Variants in FTO observed in about 807,000 individuals in gnomAD.
FTO encodes alpha-ketoglutarate-dependent dioxygenase FTO.
A neutral mutation model predicts 63.9 loss-of-function variants in FTO; 47 were observed. The ratio of observed to expected loss-of-function variants is 0.74; its 90% CI spans 0.58 to 0.94. FTO has a LOEUF of 0.94. FTO is among the 40% of genes least tolerant of loss of function. The pLI is 0.00. For synonymous variants in FTO, 207 were observed against 224.4 expected (o/e 0.92, Z 0.69); for missense variants, 562 against 618.1 (o/e 0.91, Z 0.96).
At chr16:53,945,624 A>G (rs2082635710) in intron 8 of FTO, among the ~76,000 whole-genome samples, 1 of 152,242 alleles carries the variant, frequency 6.6e-6, no homozygotes, top group Non-Finnish European at 1.5e-5. Context: ...CTATAAGGAA[A>G]TAGTATCCAG....
chr16:54,071,241 A>G (rs1484914689), intron 8 of FTO: 1 of 152,226 alleles, frequency 6.6e-6, no homozygotes, highest in Non-Finnish European at 1.5e-5. Context: ...CACTAACAAG[A>G]GAAGAACTTA....
intron 8 of FTO, among the ~76,000 whole-genome samples, chr16:53,958,901 A>G (rs574019545): frequency 5.9e-5 from 9 of 152,304 alleles, no homozygotes; most frequent in African/African-American, 2.2e-4. Flanking sequence ...GGTGAATAAG[A>G]CAGGGTCTCT....
intron 8 of FTO, among the ~76,000 whole-genome samples, chr16:54,000,738 C>T (rs1177916793): frequency 3.9e-5 from 6 of 152,046 alleles, no homozygotes; most frequent in Admixed American, 3.3e-4. Flanking sequence ...TCAGACAACA[C>T]GATATGATTA....
chr16:53,770,933 C>T (rs1021879654), intron 1 of FTO, among the ~76,000 whole-genome samples: 31 of 152,194 alleles, frequency 2.0e-4, no homozygotes, highest in East Asian at 1.9e-4. Flanking sequence ...AACCACTTAT[C>T]GTGATGGATT....
chr16:53,715,256 C>G (rs1318989486), intron 1 of FTO, among the ~76,000 whole-genome samples: 4 of 152,108 alleles, frequency 2.6e-5, no homozygotes, highest in African/African-American at 4.8e-5. Flanking sequence ...AGAACATCAC[C>G]CACTTAATTA....
chr16:53,846,801 CAAAAAAAAA>C (rs55982417), intron 4 of FTO, among the ~76,000 whole-genome samples: 53,715 of 107,084 alleles, frequency 0.5, 9,943 homozygotes, highest in Middle Eastern at 0.58. Flanking sequence ...GACTCAGTCT[CAAAAAAAAA>C]AAAAAAAAAA....
chr16:53,937,251 T>C, intron 8 of FTO: 1 of 398,540 alleles, frequency 2.5e-6, no homozygotes. Flanking sequence ...TTCCCCAGAG[T>C]TGAATGATCC....
At chr16:53,863,208 G>T (rs114362866) in intron 4 of FTO, among the ~76,000 whole-genome samples, 1 of 152,192 alleles carries the variant, frequency 6.6e-6, no homozygotes, top group East Asian at 1.9e-4. Context: ...TATCATGTCA[G>T]TTCGAGTAAA....
chr16:53,922,806 A>G (rs4783825), intron 7 of FTO, among the ~76,000 whole-genome samples: 64,667 of 152,042 alleles, frequency 0.43, 14,547 homozygotes, highest in East Asian at 0.84. Flanking sequence ...TATTCTTTCC[A>G]ACATCGAATG....
chr16:53,752,137 T>G (rs1036191232), intron 1 of FTO, among the ~76,000 whole-genome samples: 3 of 152,126 alleles, frequency 2.0e-5, no homozygotes, highest in African/African-American at 7.2e-5. Context: ...TTTAAATACA[T>G]TAAGGGAGAT....
At chr16:53,849,744 A>G (rs1325713148) in intron 4 of FTO, among the ~76,000 whole-genome samples, 1 of 152,162 alleles carries the variant, frequency 6.6e-6, no homozygotes, top group East Asian at 1.9e-4. Flanking sequence ...CTGTTTTTTG[A>G]CTCAACATGG....
intron 6 of FTO, chr16:53,887,757 GC>G (rs2081037803): frequency 6.6e-6 from 1 of 152,118 alleles, no homozygotes; most frequent in Non-Finnish European, 1.5e-5. Context: ...GAGATATTCA[GC>G]TTGTACTAAT....
rs568841057 is a variant in FTO at position 54,037,589 on chromosome 16, C to T, written c.1365-74173C>T. Among the ~76,000 whole-genome samples the T allele has an allele frequency of 3.3e-5, 5 of 152,318 alleles. No homozygotes were observed. The East Asian group carries it at 9.7e-4, about 29-fold the overall frequency. ...TATTCAGTTTTCTTCTGCCATCTCACAGTTGTGCGTATTTCAGATGTCATT... is the reference window on the plus strand; with the variant it reads ...TATTCAGTTTTCTTCTGCCATCTCATAGTTGTGCGTATTTCAGATGTCATT... On this transcript the variant is annotated intron_variant, in intron 8 of 8. Transcript: ENST00000471389.
At chr16:53,964,428 A>T (rs1045002726) in intron 8 of FTO, among the ~76,000 whole-genome samples, 6 of 152,214 alleles carry the variant, frequency 3.9e-5, no homozygotes, top group African/African-American at 1.4e-4. Flanking sequence ...AGGGAACCAG[A>T]ACACAACCAA....
chr16:54,106,755 G>C (rs1338682860), intron 8 of FTO, among the ~76,000 whole-genome samples: 3 of 132,724 alleles, frequency 2.3e-5, no homozygotes, highest in Non-Finnish European at 4.6e-5. Flanking sequence ...ATATATAATT[G>C]TATAATAATA....
intron 1 of FTO, chr16:53,764,074 A>T (rs2077133314): frequency 6.6e-6 from 1 of 152,192 alleles, no homozygotes; most frequent in African/African-American, 2.4e-5. Flanking sequence ...TACTTCGCAG[A>T]TTTGTTAAAG....
intron 8 of FTO, chr16:54,052,737 A>G (rs1352723579): frequency 6.6e-6 from 1 of 151,306 alleles, no homozygotes; most frequent in African/African-American, 2.4e-5. Flanking sequence ...TTTTTTTGAG[A>G]CAGGGTCTCG....
chr16:53,877,144 G>C (rs919906589), intron 5 of FTO, among the ~76,000 whole-genome samples: 2 of 152,234 alleles, frequency 1.3e-5, no homozygotes, highest in Admixed American at 1.3e-4. Context: ...CAGTGGTGCA[G>C]CCACTTTGGG....
chr16:53,910,682 C>A (rs144839034), intron 7 of FTO, among the ~76,000 whole-genome samples: 1 of 152,070 alleles, frequency 6.6e-6, no homozygotes, highest in Non-Finnish European at 1.5e-5. Flanking sequence ...ATTACAGATG[C>A]GCACCACCAT....
Sources: allele counts gnomAD v4.1 joint callset (sites outside exome capture counted in the v4.1 genomes callset), GRCh38; gene constraint gnomAD v4.1.1; transcripts MANE v1.5; gene names NCBI Gene and HGNC (gene_info 2026-07-23, HGNC 2026-07-21).